The following SPOCK3 variants were observed in gnomAD, a reference collection of about 807,000 sequenced individuals.
SPOCK3 encodes testican-3.
SPOCK3 carries 30 observed loss-of-function variants against 56.6 expected under a neutral mutation model. The observed-to-expected ratio is 0.53, with a 90% CI of 0.40 to 0.72. The LOEUF (loss-of-function observed/expected upper bound fraction) is 0.72. Among genes scored for constraint, SPOCK3 ranks in the 30% least tolerant of loss-of-function variants. SPOCK3 has a pLI of 0.00. For missense variants in SPOCK3, 527 were observed against 530.0 expected (o/e 0.99, Z 0.06); for synonymous variants, 196 against 183.3 (o/e 1.07, Z -0.56).
intron 5 of SPOCK3, among the ~76,000 whole-genome samples, chr4:166,895,582 G>A (rs902190754): frequency 1.3e-5 from 2 of 152,144 alleles, no homozygotes; most frequent in African/African-American, 4.8e-5. Context: ...GTGATAGCTT[G>A]TACATACATT....
At chr4:167,199,372 C>A (rs530578498) in intron 2 of SPOCK3, among the ~76,000 whole-genome samples, 12 of 151,774 alleles carry the variant, frequency 7.9e-5, no homozygotes, top group Non-Finnish European at 1.8e-4. Context: ...CAGGTATTGC[C>A]TTCTGCCAAT....
At chr4:167,194,439 C>A (rs1166675401) in intron 2 of SPOCK3, among the ~76,000 whole-genome samples, 3 of 152,128 alleles carry the variant, frequency 2.0e-5, no homozygotes, top group African/African-American at 7.2e-5. Flanking sequence ...AGGCATGCTA[C>A]TAGAGCTTTA....
chr4:166,957,213 C>G (rs191370530), intron 4 of SPOCK3, among the ~76,000 whole-genome samples: 110 of 152,308 alleles, frequency 7.2e-4, no homozygotes, highest in Middle Eastern at 3.4e-3. Context: ...AAGATCAGCA[C>G]TGCACTCCCG....
At chr4:167,219,140 G>A (rs545706350) in intron 2 of SPOCK3, among the ~76,000 whole-genome samples, 1 of 152,174 alleles carries the variant, frequency 6.6e-6, no homozygotes, top group Non-Finnish European at 1.5e-5. Context: ...CATTTTAGAT[G>A]AATCTGACTG....
At chr4:167,094,782 A>G (rs184006144) in intron 2 of SPOCK3, among the ~76,000 whole-genome samples, 53 of 152,292 alleles carry the variant, frequency 3.5e-4, no homozygotes, top group African/African-American at 1.2e-3. Context: ...TATACAAGAC[A>G]TTGTCATAGA....
At chr4:167,109,362 TTATATATATATTTATATAAAATATATAAA>T in intron 2 of SPOCK3, among the ~76,000 whole-genome samples, 1 of 38,710 alleles carries the variant, frequency 2.6e-5, no homozygotes, top group Non-Finnish European at 5.1e-5. Flanking sequence ...AAATATATAT[TTATATATATATTTATATAAAATATATAAA>T]TATATATTTA....
chr4:167,036,745 T>C (rs1417506785), intron 3 of SPOCK3, among the ~76,000 whole-genome samples: 4 of 152,202 alleles, frequency 2.6e-5, no homozygotes, highest in Non-Finnish European at 5.9e-5. Context: ...TTTATATTAT[T>C]CTATATTCTA....
intron 7 of SPOCK3, among the ~76,000 whole-genome samples, chr4:166,762,923 C>T (rs113068481): frequency 1.1e-4 from 16 of 151,958 alleles, no homozygotes; most frequent in African/African-American, 3.9e-4. Flanking sequence ...ATGTCACTTG[C>T]CTTAACATAT....
chr4:166,918,368 T>C (rs1738107441), intron 4 of SPOCK3: 2 of 152,144 alleles, frequency 1.3e-5, no homozygotes, highest in South Asian at 4.1e-4. Context: ...GTATATACTC[T>C]ATGAATGCAA....
intron 2 of SPOCK3, among the ~76,000 whole-genome samples, chr4:167,136,277 A>AGT (rs977674326): frequency 2.7e-5 from 4 of 150,306 alleles, no homozygotes; most frequent in Non-Finnish European, 5.9e-5. Flanking sequence ...AGTGTGTGTG[A>AGT]GTGTGTGTGT....
chr4:167,116,476 A>G (rs1186499755), intron 2 of SPOCK3, among the ~76,000 whole-genome samples: 1 of 70,332 alleles, frequency 1.4e-5, no homozygotes, highest in African/African-American at 5.5e-5. Context: ...ACACTTTTGT[A>G]TATATATACT....
chr4:166,736,147 T>C (rs1734196136), intron 10 of SPOCK3, among the ~76,000 whole-genome samples: 1 of 152,100 alleles, frequency 6.6e-6, no homozygotes, highest in Admixed American at 6.6e-5. Context: ...CACACTAAAA[T>C]TCCCATCTTA....
chr4:166,872,516 C>T lies in SPOCK3; in HGVS notation c.589+16614G>A, dbSNP rs1037198642. 2.6e-5 allele frequency among the ~76,000 whole-genome samples: 4 copies of T among 152,198 alleles called. No individual in the cohort carries two copies. The East Asian group carries it at 7.7e-4, about 29-fold the overall frequency. Reference sequence around the variant, plus strand: ...TACATGGATGTTTATAAGAGTTTTACTCACGGTTGCCAAAACTTGGAAGAA... The same window carrying T: ...TACATGGATGTTTATAAGAGTTTTATTCACGGTTGCCAAAACTTGGAAGAA... On this transcript the variant is annotated intron_variant, in intron 6 of 10. Coordinates refer to ENST00000357545, the MANE Select transcript of SPOCK3 (RefSeq NM_001040159.2).
In SPOCK3 at chr4:167,139,450, T is replaced by C. The variant is rs1013196535; in HGVS notation, c.190-76913A>G. Among the ~76,000 whole-genome samples the C allele has an allele frequency of 2.6e-5, 4 of 152,024 alleles. 1 individual carries two copies. Among genetic ancestry groups the C allele is most frequent in the Non-Finnish European group, 4.4e-5 (3 of 67,958 alleles). ...ATGGAAAGTAATTCTGGAAAAACCA[T>C]ATTTAAAATTATTGCCAATCTGAAT... On this transcript the variant is annotated intron_variant, in intron 2 of 10. Transcript: ENST00000357545.
At chr4:167,154,695 C>A (rs942981829) in intron 2 of SPOCK3, among the ~76,000 whole-genome samples, 4 of 152,138 alleles carry the variant, frequency 2.6e-5, no homozygotes, top group African/African-American at 7.2e-5. Flanking sequence ...AAATTTCTAT[C>A]ATTTCTGTGA....
chr4:166,978,538 G>A lies in SPOCK3; in HGVS notation c.350+21811C>T, dbSNP rs1463264535. 2.6e-4 allele frequency among the ~76,000 whole-genome samples: 40 copies of A among 152,140 alleles called. 1 individual carries two copies. Among genetic ancestry groups the A allele is most frequent in the Admixed American group, 2.6e-3 (39 of 15,264 alleles). ...AGTCCCTTAAAATCTCCAATACATG[G>A]AGAAAAGGAAGGAAATTAACATTTA... On this transcript the variant is annotated intron_variant, in intron 4 of 10. Transcript: ENST00000357545.
chr4:166,745,590 A>C (rs1251476128), intron 8 of SPOCK3, among the ~76,000 whole-genome samples: 1 of 152,226 alleles, frequency 6.6e-6, no homozygotes, highest in Admixed American at 6.5e-5. Context: ...CTAATAGGCA[A>C]AATAAGCAGC....
At chr4:167,088,529 A>G (rs1758410207) in intron 2 of SPOCK3, among the ~76,000 whole-genome samples, 1 of 136,654 alleles carries the variant, frequency 7.3e-6, no homozygotes, top group African/African-American at 2.8e-5. Flanking sequence ...CTGTGGCATG[A>G]TCTTGGTTCA....
intron 4 of SPOCK3, among the ~76,000 whole-genome samples, chr4:166,989,930 C>G (rs1308948792): frequency 6.6e-6 from 1 of 152,118 alleles, no homozygotes; most frequent in Non-Finnish European, 1.5e-5. Flanking sequence ...TCCCTTAGAT[C>G]TCAGAATTAT....
Sources: gnomAD v4.1 joint callset for allele counts (sites outside exome capture counted in the v4.1 genomes callset) on GRCh38, gnomAD v4.1.1 for gene constraint, MANE v1.5 for transcripts, NCBI Gene and HGNC (gene_info 2026-07-23, HGNC 2026-07-21) for gene names.